The following SLC35F1 variants were observed in gnomAD, a reference collection of about 807,000 sequenced individuals.
The protein encoded by SLC35F1 is solute carrier family 35 member F1.
A neutral mutation model predicts 48.7 loss-of-function variants in SLC35F1; 14 were observed. The observed-to-expected ratio is 0.29, with a 90% CI of 0.19 to 0.45. The LOEUF is 0.45. Among genes scored for constraint, SLC35F1 ranks in the 20% least tolerant of loss-of-function variants. The pLI is 1.00. For missense variants in SLC35F1, 404 were observed against 500.0 expected (o/e 0.81, Z 1.83); for synonymous variants, 190 against 202.2 (o/e 0.94, Z 0.51).
At chr6:118,078,796 C>T (rs1021980652) in intron 1 of SLC35F1, among the ~76,000 whole-genome samples, 2 of 152,128 alleles carry the variant, frequency 1.3e-5, no homozygotes, top group Admixed American at 1.3e-4. Context: ...GGTGGGGAGA[C>T]ATCTGATGTT....
At chr6:118,283,233 A>T (rs1776006812) in intron 6 of SLC35F1, among the ~76,000 whole-genome samples, 1 of 152,116 alleles carries the variant, frequency 6.6e-6, no homozygotes, top group South Asian at 2.1e-4. Flanking sequence ...CTCTCCTGGC[A>T]ATCTCCTTTT....
intron 3 of SLC35F1, among the ~76,000 whole-genome samples, chr6:118,240,794 T>A (rs1040853097): frequency 2.6e-5 from 4 of 152,092 alleles, no homozygotes; most frequent in Non-Finnish European, 4.4e-5. Flanking sequence ...CAAGGCCCTA[T>A]GTTGGGATGG....
chr6:117,920,913 G>C (rs564277257), intron 1 of SLC35F1, among the ~76,000 whole-genome samples: 1 of 151,696 alleles, frequency 6.6e-6, no homozygotes, highest in African/African-American at 2.4e-5. Flanking sequence ...ATATTCATGG[G>C]GGATATATAA....
intron 1 of SLC35F1, among the ~76,000 whole-genome samples, chr6:117,915,334 T>C (rs1775813623): frequency 6.6e-6 from 1 of 152,252 alleles, no homozygotes; most frequent in African/African-American, 2.4e-5. Flanking sequence ...ATTAGTATTC[T>C]TATCCTTTTC....
intron 1 of SLC35F1, among the ~76,000 whole-genome samples, chr6:117,966,556 G>A (rs955697332): frequency 1.3e-4 from 20 of 152,060 alleles, no homozygotes; most frequent in Admixed American, 1.1e-3. Flanking sequence ...AAGAAACTCC[G>A]GACACACCAT....
chr6:118,246,732 C>T (rs1284536422), intron 3 of SLC35F1, among the ~76,000 whole-genome samples: 1 of 152,106 alleles, frequency 6.6e-6, no homozygotes, highest in African/African-American at 2.4e-5. Context: ...AAATCCTTTC[C>T]CCTGGTGTGA....
At chr6:118,211,419 C>T (rs533951288) in intron 2 of SLC35F1, among the ~76,000 whole-genome samples, 27 of 152,264 alleles carry the variant, frequency 1.8e-4, no homozygotes, top group African/African-American at 6.0e-4. Context: ...TCGAACTGCC[C>T]ACATCACACT....
chr6:118,302,313 G>T (rs1275757216), intron 7 of SLC35F1, among the ~76,000 whole-genome samples: 1 of 152,160 alleles, frequency 6.6e-6, no homozygotes, highest in South Asian at 2.1e-4. Context: ...AAACGCATGG[G>T]AGACAGGGAG....
intron 1 of SLC35F1, among the ~76,000 whole-genome samples, chr6:118,011,380 G>A (rs1777244251): frequency 6.6e-6 from 1 of 152,082 alleles, no homozygotes; most frequent in African/African-American, 2.4e-5. Context: ...CACATGGCTG[G>A]CGGGAGAGAG....
At chr6:118,129,247 A>C (rs531552137) in intron 1 of SLC35F1, among the ~76,000 whole-genome samples, 10 of 152,310 alleles carry the variant, frequency 6.6e-5, no homozygotes, top group African/African-American at 2.2e-4. Flanking sequence ...TAATGATAAT[A>C]GGGTCTTAGG....
intron 1 of SLC35F1, among the ~76,000 whole-genome samples, chr6:118,049,166 G>T (rs1157322875): frequency 6.6e-6 from 1 of 152,174 alleles, no homozygotes; most frequent in Non-Finnish European, 1.5e-5. Context: ...GCCAAACGTA[G>T]AAAGCTGAAA....
intron 4 of SLC35F1, among the ~76,000 whole-genome samples, chr6:118,272,737 G>GTGTGTGTATATA (rs201515909): frequency 2.5e-5 from 3 of 120,266 alleles, no homozygotes; most frequent in African/African-American, 9.7e-5. Flanking sequence ...ATATGTGTGT[G>GTGTGTGTATATA]TATATATATA....
chr6:117,923,845 T>C (rs576752179), intron 1 of SLC35F1, among the ~76,000 whole-genome samples: 18 of 98,940 alleles, frequency 1.8e-4, no homozygotes, highest in Admixed American at 1.6e-3. Context: ...ACATTACATA[T>C]ATGCACATAT....
intron 3 of SLC35F1, among the ~76,000 whole-genome samples, chr6:118,260,521 G>A (rs1775699046): frequency 2.0e-5 from 3 of 152,012 alleles, no homozygotes; most frequent in Admixed American, 2.0e-4. Flanking sequence ...CTGGAGTGCA[G>A]GGACAGTTTT....
intron 1 of SLC35F1, among the ~76,000 whole-genome samples, chr6:118,030,968 G>C (rs753768079): frequency 2.0e-4 from 30 of 151,892 alleles, no homozygotes; most frequent in Non-Finnish European, 2.6e-4. Context: ...TGAATAAACT[G>C]TAGTTTTTGA....
At chr6:118,130,623 TCA>T (rs1773696603) in intron 1 of SLC35F1, among the ~76,000 whole-genome samples, 1 of 152,176 alleles carries the variant, frequency 6.6e-6, no homozygotes, top group South Asian at 2.1e-4. Context: ...ACTTGGCCAA[TCA>T]CATTACACAA....
chr6:118,064,512 C>T (rs1772585972), intron 1 of SLC35F1, among the ~76,000 whole-genome samples: 1 of 152,094 alleles, frequency 6.6e-6, no homozygotes, highest in African/African-American at 2.4e-5. Context: ...CTAAACAGCT[C>T]TGCTCTATTT....
intron 6 of SLC35F1, among the ~76,000 whole-genome samples, chr6:118,283,119 C>T (rs1776003512): frequency 6.6e-6 from 1 of 152,166 alleles, no homozygotes. Flanking sequence ...CTTCCTCTGC[C>T]CGTTCTCTTC....
intron 1 of SLC35F1, among the ~76,000 whole-genome samples, chr6:118,039,591 A>G (rs949658696): frequency 6.6e-6 from 1 of 150,900 alleles, no homozygotes; most frequent in Admixed American, 6.6e-5. Flanking sequence ...TCTATTTTCA[A>G]TTTCCTTGCC....
Sources: allele counts gnomAD v4.1 joint callset (sites outside exome capture counted in the v4.1 genomes callset), GRCh38; gene constraint gnomAD v4.1.1; transcripts MANE v1.5; gene names NCBI Gene and HGNC (gene_info 2026-07-23, HGNC 2026-07-21).